The following OXR1 variants were observed in gnomAD, a reference collection of about 807,000 sequenced individuals.
OXR1 encodes oxidation resistance 1.
A neutral mutation model predicts 104.6 loss-of-function variants in OXR1; 41 were observed. The observed-to-expected ratio is 0.39, with a 90% CI of 0.31 to 0.51. The LOEUF is 0.51. Ranked by LOEUF, OXR1 falls within the 20% of genes least tolerant of loss-of-function variation. The pLI, the probability that OXR1 is intolerant of heterozygous loss-of-function variation, is 0.77. For synonymous variants in OXR1, 348 were observed against 348.4 expected (o/e 1.00, Z 0.01); for missense variants, 955 against 1,031.9 (o/e 0.93, Z 1.02).
intron 2 of OXR1, among the ~76,000 whole-genome samples, chr8:106,494,203 C>T (rs555681709): frequency 1.3e-5 from 2 of 152,300 alleles, no homozygotes; most frequent in African/African-American, 4.8e-5. Context: ...CTGCCCCCTT[C>T]TACAGGCTTT....
chr8:106,613,135 A>C (rs767138154), intron 3 of OXR1, among the ~76,000 whole-genome samples: 3 of 152,020 alleles, frequency 2.0e-5, no homozygotes, highest in Non-Finnish European at 4.4e-5. Context: ...GGAAAACAGA[A>C]CTTTGGCTAT....
chr8:106,525,546 G>T (rs1169498779), intron 3 of OXR1, among the ~76,000 whole-genome samples: 1 of 152,324 alleles, frequency 6.6e-6, no homozygotes, highest in South Asian at 2.1e-4. Context: ...CAACCTTTAT[G>T]TTTATTTTTT....
chr8:106,363,781 G>A (rs1367061297), intron 2 of OXR1, among the ~76,000 whole-genome samples: 1 of 152,062 alleles, frequency 6.6e-6, no homozygotes, highest in Non-Finnish European at 1.5e-5. Context: ...AAATATTTCT[G>A]CTGTGGGGAA....
chr8:106,380,846 T>A (rs1817117167), intron 2 of OXR1, among the ~76,000 whole-genome samples: 1 of 152,242 alleles, frequency 6.6e-6, no homozygotes, highest in Non-Finnish European at 1.5e-5. Context: ...TCATATCTTT[T>A]AGATGCAGGC....
At chr8:106,533,457 AAGAG>A (rs1227661604) in intron 3 of OXR1, among the ~76,000 whole-genome samples, 1 of 152,180 alleles carries the variant, frequency 6.6e-6, no homozygotes, top group Non-Finnish European at 1.5e-5. Flanking sequence ...TCTTTATTCA[AAGAG>A]AGAGAGGAAG....
chr8:106,619,065 T>A (rs1821477351), intron 3 of OXR1, among the ~76,000 whole-genome samples: 1 of 152,180 alleles, frequency 6.6e-6, no homozygotes, highest in Admixed American at 6.6e-5. Flanking sequence ...AAAAATGAAA[T>A]TGCTCTGCAT....
chr8:106,533,508 T>A (rs538671778), intron 3 of OXR1, among the ~76,000 whole-genome samples: 2 of 152,286 alleles, frequency 1.3e-5, no homozygotes, highest in Admixed American at 1.3e-4. Flanking sequence ...TTTTTGCACT[T>A]AGTGTAAATC....
Position 106,572,523 on chromosome 8 carries a change from A to C in OXR1, c.220+53384A>C, listed in dbSNP as rs550653115. 2.0e-5 allele frequency among the ~76,000 whole-genome samples: 3 copies of C among 152,276 alleles called. No homozygotes were observed. The East Asian group carries it at 5.8e-4, about 29-fold the overall frequency. On this transcript the variant is annotated intron_variant, in intron 3 of 16. Transcript: ENST00000517566. Reference sequence around the variant, plus strand: ...TTCTCTCTTCTTGCATTTTACTGTTAGCAGTAAGGAGGACCCAAGCCCTAC... The same window carrying C: ...TTCTCTCTTCTTGCATTTTACTGTTCGCAGTAAGGAGGACCCAAGCCCTAC...
At chr8:106,576,466 C>CCA (rs752499429) in intron 3 of OXR1, among the ~76,000 whole-genome samples, 1 of 112,462 alleles carries the variant, frequency 8.9e-6, no homozygotes, top group African/African-American at 3.4e-5. Flanking sequence ...CACAGTTATT[C>CCA]AAAAAAAAAA....
rs1283019944 is a variant in OXR1 at position 106,716,529 on chromosome 8, C to T, written c.1956+2544C>T. On this transcript the variant is annotated intron_variant, in intron 11 of 16. Transcript: ENST00000517566. ...GTCCCAGCTACTCGGGAGGCTGAGGCAGGAGAATGGCGTGAACCCGGGAAG... is the reference window on the plus strand; with the variant it reads ...GTCCCAGCTACTCGGGAGGCTGAGGTAGGAGAATGGCGTGAACCCGGGAAG... 3.6e-5 allele frequency among the ~76,000 whole-genome samples: 3 copies of T among 82,368 alleles called. 1 individual carries two copies. The highest frequency in any genetic ancestry group is 6.9e-5 in the Non-Finnish European group (3 of 43,268). 54.0% of individuals were successfully genotyped at this position (82,368 alleles called of 152,430 possible).
intron 6 of OXR1, 103 bp downstream of exon 6, chr8:106,684,462 ATAT>A: frequency 1.6e-6 from 1 of 642,964 alleles, no homozygotes; most frequent in Non-Finnish European, 2.8e-6. Flanking sequence ...TTAGAATGAA[ATAT>A]TTCCTTTTTA....
At chr8:106,423,840 T>G (rs1289744591) in intron 2 of OXR1, among the ~76,000 whole-genome samples, 1 of 152,196 alleles carries the variant, frequency 6.6e-6, no homozygotes, top group Non-Finnish European at 1.5e-5. Context: ...TCATATCACT[T>G]TAGCTAAAAT....
At chr8:106,362,134 C>T (rs767934077) in intron 2 of OXR1, among the ~76,000 whole-genome samples, 2 of 152,098 alleles carry the variant, frequency 1.3e-5, no homozygotes, top group Admixed American at 6.6e-5. Flanking sequence ...ATGTTTGCCC[C>T]GATGATTCTG....
chr8:106,338,390 T>C (rs965662838), intron 1 of OXR1, among the ~76,000 whole-genome samples: 1 of 151,786 alleles, frequency 6.6e-6, no homozygotes, highest in Non-Finnish European at 1.5e-5. Context: ...TGGTGAAACC[T>C]AGTCTCTACT....
intron 11 of OXR1, among the ~76,000 whole-genome samples, chr8:106,718,708 G>A (rs557489976): frequency 1.7e-4 from 26 of 152,032 alleles, no homozygotes; most frequent in African/African-American, 5.8e-4. Flanking sequence ...GCGTGGTGGC[G>A]GGCGCTTCTT....
chr8:106,345,991 T>C (rs1815460719), intron 1 of OXR1, among the ~76,000 whole-genome samples: 1 of 152,176 alleles, frequency 6.6e-6, no homozygotes. Flanking sequence ...GCTGAAATTC[T>C]GGACTAGTAC....
chr8:106,353,134 G>A (rs115122200), intron 1 of OXR1, among the ~76,000 whole-genome samples: 14 of 152,206 alleles, frequency 9.2e-5, no homozygotes, highest in South Asian at 4.2e-4. Context: ...ATCATCTGAC[G>A]TCAGAAATTC....
chr8:106,422,984 G>A (rs13257768), intron 2 of OXR1, among the ~76,000 whole-genome samples: 2,759 of 152,180 alleles, frequency 0.018, 49 homozygotes, highest in Admixed American at 0.047. Context: ...GCTGGCCAGC[G>A]TAAATATCCA....
chr8:106,636,032 T>C (rs1823105276), intron 3 of OXR1, among the ~76,000 whole-genome samples: 1 of 152,214 alleles, frequency 6.6e-6, no homozygotes, highest in African/African-American at 2.4e-5. Flanking sequence ...AAAAAGCAGT[T>C]GATGATGGCT....
Sources: allele counts gnomAD v4.1 joint callset (sites outside exome capture counted in the v4.1 genomes callset), GRCh38; gene constraint gnomAD v4.1.1; transcripts MANE v1.5; gene names NCBI Gene and HGNC (gene_info 2026-07-23, HGNC 2026-07-21).